NDST4: variants seen among roughly 807,000 people sequenced by gnomAD.
NDST4 encodes the protein N-heparan sulfate sulfotransferase 4.
A neutral mutation model predicts 100.8 loss-of-function variants in NDST4; 63 were observed. The observed-to-expected ratio is 0.62, with a 90% CI of 0.51 to 0.77. The LOEUF is 0.77. Ranked by LOEUF, NDST4 falls within the 30% of genes least tolerant of loss-of-function variation. The pLI, the probability that NDST4 is intolerant of heterozygous loss-of-function variation, is 0.00. For synonymous variants in NDST4, 377 were observed against 361.8 expected (o/e 1.04, Z -0.48); for missense variants, 943 against 1,018.4 (o/e 0.93, Z 1.01).
intron 2 of NDST4, among the ~76,000 whole-genome samples, chr4:114,995,913 A>G (rs1318239708): frequency 6.6e-6 from 1 of 152,124 alleles, no homozygotes; most frequent in Admixed American, 6.6e-5. Flanking sequence ...ACCTTAAAGA[A>G]TTAATGTGCA....
intron 6 of NDST4, among the ~76,000 whole-genome samples, chr4:114,906,438 GT>G (rs1332695840): frequency 1.3e-5 from 2 of 151,826 alleles, no homozygotes; most frequent in Non-Finnish European, 2.9e-5. Flanking sequence ...GCATTCTCTA[GT>G]AACATACTGT....
chr4:114,900,731 C>T (rs1422179561), intron 6 of NDST4, among the ~76,000 whole-genome samples: 1 of 152,142 alleles, frequency 6.6e-6, no homozygotes, highest in African/African-American at 2.4e-5. Context: ...AGATGCATTT[C>T]TCACAATGTA....
At chr4:114,888,654 T>G (rs938570019) in intron 6 of NDST4, among the ~76,000 whole-genome samples, 21 of 152,182 alleles carry the variant, frequency 1.4e-4, no homozygotes, top group Non-Finnish European at 2.9e-5. Context: ...CTAAGTACAC[T>G]GCATCATTTT....
chr4:115,031,536 T>C (rs1728116385), intron 2 of NDST4, among the ~76,000 whole-genome samples: 1 of 152,012 alleles, frequency 6.6e-6, no homozygotes, highest in African/African-American at 2.4e-5. Context: ...CCAGTCTTCT[T>C]CTCTCTGAAC....
At chr4:114,877,053 A>T (rs1372035518) in intron 6 of NDST4, among the ~76,000 whole-genome samples, 1 of 146,778 alleles carries the variant, frequency 6.8e-6, no homozygotes, top group Non-Finnish European at 1.5e-5. Flanking sequence ...TTCCTATATT[A>T]AGTGTTATTA....
intron 8 of NDST4, among the ~76,000 whole-genome samples, chr4:114,852,074 TATAAA>T (rs1723690008): frequency 6.6e-6 from 1 of 152,128 alleles, no homozygotes; most frequent in Admixed American, 6.5e-5. Flanking sequence ...CTGAAGAAAG[TATAAA>T]ATATTCTAAT....
chr4:115,091,568 TA>T (rs1307552408), intron 1 of NDST4, among the ~76,000 whole-genome samples: 2 of 152,164 alleles, frequency 1.3e-5, no homozygotes, highest in Admixed American at 1.3e-4. Flanking sequence ...AATTTATTTG[TA>T]AATTAGGCTT....
chr4:114,973,197 C>A (rs1408460262), intron 3 of NDST4, among the ~76,000 whole-genome samples: 1 of 151,716 alleles, frequency 6.6e-6, no homozygotes, highest in Admixed American at 6.6e-5. Flanking sequence ...TTTTTCTGTA[C>A]CTAATATATA....
chr4:114,958,050 T>A (rs899046499), intron 4 of NDST4, among the ~76,000 whole-genome samples: 1 of 152,178 alleles, frequency 6.6e-6, no homozygotes, highest in Admixed American at 6.5e-5. Flanking sequence ...GTCTAGAGGA[T>A]GGTGACCCTC....
chr4:115,110,138 T>A (rs921302292), intron 1 of NDST4, among the ~76,000 whole-genome samples: 3 of 151,924 alleles, frequency 2.0e-5, no homozygotes, highest in Non-Finnish European at 2.9e-5. Context: ...AAAACTGAGA[T>A]AAAGAAAGCT....
intron 6 of NDST4, among the ~76,000 whole-genome samples, chr4:114,875,601 G>T (rs538622966): frequency 6.6e-6 from 1 of 152,244 alleles, no homozygotes; most frequent in East Asian, 1.9e-4. Flanking sequence ...GTGACAAATA[G>T]AATGGTGGTA....
Position 115,076,132 on chromosome 4 carries a change from C to T in NDST4, c.905G>A (p.Arg302Lys), listed in dbSNP as rs1246803708. 6.2e-7 allele frequency: 1 copy of T among 1,613,924 alleles called. No individual in the cohort carries two copies. The highest frequency in any genetic ancestry group is 8.5e-7 in the Non-Finnish European group (1 of 1,179,920). ...SGKRLTLSLD[R>K]YILVDIDDIF... ...ATCATCAATGTCCACAAGGATGTACCTGTCCAAGGACAATGTCAGCCTCTT... is the reference window on the plus strand; with the variant it reads ...ATCATCAATGTCCACAAGGATGTACTTGTCCAAGGACAATGTCAGCCTCTT... Residue 302 changes from arginine to lysine, a missense_variant, in exon 2 of 14, where the codon AGG (arginine) becomes AAG (lysine). Transcript: ENST00000264363.
chr4:114,870,980 A>G, intron 6 of NDST4, 30 bp from the exon 7 acceptor site: 1 of 1,566,386 alleles, frequency 6.4e-7, no homozygotes, highest in African/African-American at 1.4e-5. Flanking sequence ...GACCACAAAA[A>G]TATCATATGC....
chr4:115,097,709 T>C (rs1202481728), intron 1 of NDST4, among the ~76,000 whole-genome samples: 1 of 152,136 alleles, frequency 6.6e-6, no homozygotes, highest in African/African-American at 2.4e-5. Flanking sequence ...TAAGGTTATG[T>C]CTCTCCTCTG....
intron 6 of NDST4, among the ~76,000 whole-genome samples, chr4:114,905,390 A>G (rs1724927029): frequency 6.6e-6 from 1 of 151,954 alleles, no homozygotes; most frequent in Admixed American, 6.6e-5. Context: ...CACAGAGAGG[A>G]CAATCTGATT....
chr4:115,091,179 T>C (rs1214292052), intron 1 of NDST4, among the ~76,000 whole-genome samples: 1 of 152,064 alleles, frequency 6.6e-6, no homozygotes, highest in East Asian at 1.9e-4. Context: ...AAATTAACAT[T>C]TGTCCAGTAT....
In NDST4 at chr4:115,076,065, A is replaced by G. The variant is rs372668892; in HGVS notation, c.972T>C (p.Asp324=). The G allele has an allele frequency of 6.2e-5, 100 of 1,604,418 alleles. No homozygotes were observed. The highest frequency in any genetic ancestry group is 8.3e-5 in the Non-Finnish European group (97 of 1,175,138). ...TGTCTATAAATAAGCTTACCTTCAC[A>G]TCTTTGACATTCATCCTTGTTCCCT... ...GKEGTRMNVK[D]VKALLETQNL... Residue 324 remains aspartate (D), a synonymous_variant, in exon 2 of 14, where the codon GAT becomes GAC. Transcript: ENST00000264363.
At chr4:114,954,604 G>A (rs7659210) in intron 4 of NDST4, among the ~76,000 whole-genome samples, 90,839 of 151,992 alleles carry the variant, frequency 0.6, 27,917 homozygotes, top group Non-Finnish European at 0.68. Flanking sequence ...TTTTTGATAC[G>A]GAAAAGTTAA....
rs1726952885 is a variant in NDST4, at chr4:114,988,157, TTATAG to T, written c.979-10888_979-10884del. Among the ~76,000 whole-genome samples the T allele has an allele frequency of 8.6e-5, 13 of 152,024 alleles. No homozygotes were observed. In the South Asian group the frequency reaches 2.7e-3, roughly 31 times the overall value. On this transcript the variant is annotated intron_variant, in intron 2 of 13. Transcript: ENST00000264363. ...TTAACAATTATAATTTTGATAAATA[TTATAG>T]TATATTTCTTAAAGCATCTTATTCT...
Sources: allele counts gnomAD v4.1 joint callset (sites outside exome capture counted in the v4.1 genomes callset), GRCh38; gene constraint gnomAD v4.1.1; transcripts MANE v1.5; gene names NCBI Gene and HGNC (gene_info 2026-07-23, HGNC 2026-07-21).